The following DCLRE1C variants were observed in gnomAD, a reference collection of about 807,000 sequenced individuals.
DCLRE1C encodes protein artemis.
Under a neutral mutation model 61.4 loss-of-function variants are expected in DCLRE1C, and 47 were observed. The ratio of observed to expected loss-of-function variants is 0.77; its 90% CI spans 0.61 to 0.98. DCLRE1C has a LOEUF of 0.98. DCLRE1C is among the 50% of genes least tolerant of loss of function. The pLI is 0.00. For synonymous variants in DCLRE1C, 337 were observed against 287.6 expected, an observed-to-expected ratio of 1.17 and a Z score of -1.74; for missense variants, 858 against 816.0, an observed-to-expected ratio of 1.05 and a Z score of -0.63.
intron 13 of DCLRE1C, among the ~76,000 whole-genome samples, chr10:14,913,422 T>C (rs1264483132): frequency 6.6e-6 from 1 of 152,212 alleles, no homozygotes; most frequent in Admixed American, 6.5e-5. Context: ...TAAAAAATAA[T>C]TTTGTATTGT....
At chr10:14,954,348 G>T, upstream of DCLRE1C, 1 of 418,384 alleles carries the variant, frequency 2.4e-6, no homozygotes, top group East Asian at 5.1e-5. Flanking sequence ...CGCGGGAAGG[G>T]AAATCGAAAC....
intron 13 of DCLRE1C, among the ~76,000 whole-genome samples, chr10:14,911,794 T>C (rs985449242): frequency 2.6e-5 from 4 of 152,138 alleles, no homozygotes; most frequent in East Asian, 1.9e-4. Flanking sequence ...AAGATCAGAA[T>C]AGACATTTCA....
At chr10:14,948,973 T>C in intron 2 of DCLRE1C, 63 bp downstream of exon 2, 1 of 1,149,770 alleles carries the variant, frequency 8.7e-7, no homozygotes, top group South Asian at 1.3e-5. Context: ...TATACTTTTC[T>C]GTACAGTTGT....
At chr10:14,944,547 A>G (rs761417226) in intron 3 of DCLRE1C, among the ~76,000 whole-genome samples, 5 of 152,130 alleles carry the variant, frequency 3.3e-5, no homozygotes, top group Non-Finnish European at 5.9e-5. Context: ...AAGAGGGTCA[A>G]TGAGATTAAG....
chr10:14,913,322 G>GA (rs1301022917), intron 13 of DCLRE1C, among the ~76,000 whole-genome samples: 5 of 152,340 alleles, frequency 3.3e-5, no homozygotes, highest in Admixed American at 6.5e-5. Flanking sequence ...TAGTGGGGAT[G>GA]ATTGTACAAT....
Position 14,928,012 on chromosome 10 carries a change from T to G in DCLRE1C, c.917+4A>C. 3 of 1,613,764 alleles carry G rather than the reference T, an allele frequency of 1.9e-6. No homozygotes were observed. Among genetic ancestry groups the G allele is most frequent in the Non-Finnish European group, 2.5e-6 (3 of 1,179,836 alleles). On this transcript the variant is annotated splice_donor_region_variant and intron_variant, in intron 10 of 13. Transcript: ENST00000378278. Reference sequence around the variant, plus strand: ...TCAGAAGACCTATGATATTGCTCTCTTACCTCACAATTACATTTGTTTTTC... The same window carrying G: ...TCAGAAGACCTATGATATTGCTCTCGTACCTCACAATTACATTTGTTTTTC...
At chr10:14,943,218 T>C (rs531668800) in intron 3 of DCLRE1C, among the ~76,000 whole-genome samples, 110 of 152,322 alleles carry the variant, frequency 7.2e-4, no homozygotes, top group Admixed American at 1.2e-3. Context: ...ATCCATGTAA[T>C]GAACCCACAT....
intron 1 of DCLRE1C, among the ~76,000 whole-genome samples, chr10:14,953,449 G>C (rs1421963481): frequency 2.6e-5 from 4 of 152,114 alleles, no homozygotes; most frequent in Non-Finnish European, 5.9e-5. Flanking sequence ...CAAAGGCCAA[G>C]GAGCTTGCAC....
chr10:14,918,095 C>T (rs1836504227), intron 13 of DCLRE1C, among the ~76,000 whole-genome samples: 1 of 152,300 alleles, frequency 6.6e-6, no homozygotes, highest in East Asian at 1.9e-4. Flanking sequence ...CTTTGGAAAA[C>T]ATTTTGGCAG....
chr10:14,913,057 G>T (rs987984685), intron 13 of DCLRE1C, among the ~76,000 whole-genome samples: 2 of 151,782 alleles, frequency 1.3e-5, no homozygotes, highest in African/African-American at 4.8e-5. Context: ...GGGTTTCACC[G>T]TGTTAGCCAG....
At chr10:14,933,049 G>C in intron 8 of DCLRE1C, 94 bp from the exon 9 acceptor site, 1 of 1,338,786 alleles carries the variant, frequency 7.5e-7, no homozygotes, top group Admixed American at 1.8e-5. Flanking sequence ...CCCAGTTAGT[G>C]AATTAACCCT....
At chr10:14,923,107 C>G (rs757358445) in intron 11 of DCLRE1C, 38 bp from the exon 12 acceptor site, 14 of 1,480,624 alleles carry the variant, frequency 9.5e-6, no homozygotes, top group African/African-American at 1.4e-5. Flanking sequence ...ACAATCTCTA[C>G]GATGAAACAG....
intron 11 of DCLRE1C, among the ~76,000 whole-genome samples, chr10:14,926,523 G>T (rs1838002546): frequency 1.3e-5 from 2 of 151,946 alleles, no homozygotes; most frequent in South Asian, 4.2e-4. Flanking sequence ...GCATGGTGGT[G>T]GGCACCTGTA....
chr10:14,909,189 G>C lies in DCLRE1C; in HGVS notation c.1298C>G (p.Pro433Arg). 6.2e-7 allele frequency: 1 copy of C among 1,614,096 alleles called. No homozygotes were observed. The part of the protein sequence containing the change: ...EKQPEKLRQT[P>R]GCCRAECMQS... ...CATACACTCTGCTCTGCAGCATCCT[G>C]GGGTTTGTCTCAGTTTTTCAGGCTG... Residue 433 changes from proline (P) to arginine (R), a missense_variant, in exon 14 of 14, where the codon CCA becomes CGA. Physicochemically the swap from Pro to Arg is moderately radical, Grantham distance 103. Coordinates refer to ENST00000378278, the MANE Select transcript of DCLRE1C (RefSeq NM_001033855.3).
chr10:14,944,074 C>T (rs986029708), intron 3 of DCLRE1C, among the ~76,000 whole-genome samples: 3 of 152,132 alleles, frequency 2.0e-5, no homozygotes, highest in Non-Finnish European at 2.9e-5. Context: ...AGCTGTCATC[C>T]CTTCCTTATG....
chr10:14,918,129 A>G (rs1485604649), intron 13 of DCLRE1C, among the ~76,000 whole-genome samples: 2 of 152,232 alleles, frequency 1.3e-5, no homozygotes, highest in East Asian at 1.9e-4. Flanking sequence ...CAGCTACCAT[A>G]TGACCCATTC....
At chr10:14,934,630 G>C in intron 7 of DCLRE1C, 73 bp downstream of exon 7, 1 of 1,611,616 alleles carries the variant, frequency 6.2e-7, no homozygotes, top group Non-Finnish European at 8.5e-7. Context: ...GATATGACCT[G>C]TCACCCTACA....
intron 6 of DCLRE1C, 94 bp from the exon 7 acceptor site, chr10:14,934,869 C>T (rs1170805417): frequency 3.3e-6 from 3 of 901,748 alleles, no homozygotes; most frequent in Admixed American, 3.7e-5. Flanking sequence ...GCTCTGTTGC[C>T]CAGGCTGAAG....
chr10:14,937,960 A>G (rs1294349399), intron 4 of DCLRE1C, among the ~76,000 whole-genome samples: 1 of 151,626 alleles, frequency 6.6e-6, no homozygotes, highest in Non-Finnish European at 1.5e-5. Flanking sequence ...CACACTGCAC[A>G]TCATACTGTT....
Sources: gnomAD v4.1 joint callset for allele counts (sites outside exome capture counted in the v4.1 genomes callset) on GRCh38, gnomAD v4.1.1 for gene constraint, MANE v1.5 for transcripts, NCBI Gene and HGNC (gene_info 2026-07-23, HGNC 2026-07-21) for gene names.